The following AR variants were observed in gnomAD, a reference collection of about 807,000 sequenced individuals.
AR encodes androgen receptor, also known as dihydrotestosterone receptor.
In AR, 8 loss-of-function variants were observed where a neutral mutation model predicts 53.9. That is an observed-to-expected ratio of 0.15 (90% CI 0.09 to 0.27). AR has a LOEUF of 0.27. Among genes scored for constraint, AR ranks in the 10% least tolerant of loss-of-function variants. The pLI is 1.00. For synonymous variants in AR, 359 were observed against 316.4 expected (o/e 1.13, Z -1.43); for missense variants, 639 against 742.5 (o/e 0.86, Z 1.62).
intron 1 of AR, among the ~76,000 whole-genome samples, chrX:67,612,304 T>A (rs1279381543): frequency 8.9e-6 from 1 of 111,990 alleles, no homozygotes; most frequent in African/African-American, 3.2e-5. Context: ...TCAGCCAGAG[T>A]GACCTGTCTT....
chrX:67,638,732 C>T (rs1356978514), intron 1 of AR, among the ~76,000 whole-genome samples: 2 of 111,471 alleles, frequency 1.8e-5, no homozygotes, highest in Admixed American at 9.5e-5. Flanking sequence ...ATTAACCTTT[C>T]GTCAGATGGA....
intron 1 of AR, among the ~76,000 whole-genome samples, chrX:67,561,068 G>T (rs1356239220): frequency 8.9e-6 from 1 of 111,887 alleles, no homozygotes; most frequent in East Asian, 2.8e-4. Flanking sequence ...ATGGTACTTA[G>T]TCCCTTAAAT....
At chrX:67,596,497 A>G (rs1287990075) in intron 1 of AR, among the ~76,000 whole-genome samples, 1 of 112,057 alleles carries the variant, frequency 8.9e-6, no homozygotes, top group Non-Finnish European at 1.9e-5. Context: ...GATTTTTAAA[A>G]TGGTTTAAAA....
At chrX:67,645,768 CA>C (rs200889833) in intron 2 of AR, among the ~76,000 whole-genome samples, 4 of 106,105 alleles carry the variant, frequency 3.8e-5, no homozygotes, top group Non-Finnish European at 5.8e-5. Flanking sequence ...CAGAATGAAG[CA>C]AAAAAAAAAT....
In AR at chrX:67,546,434, G is replaced by A. The variant is rs755088348; in HGVS notation, c.1288G>A (p.Ala430Thr). 3.4e-6 allele frequency: 4 copies of A among 1,179,094 alleles called. No homozygotes were observed. The highest frequency in any genetic ancestry group is 1.1e-6 in the Non-Finnish European group (1 of 880,556). The change falls in exon 1 of 8, where the codon GCC becomes ACC. Residue 430 changes from alanine (A) to threonine (T), a missense_variant. This residue lies in a region of AR where 423 missense variants were observed against 377.0 expected (regional missense o/e 1.12). Transcript: ENST00000374690. ...ACCCGGTTCTGGGTCACCCTCAGCCGCCGCTTCCTCATCCTGGCACACTCT... is the reference window on the plus strand; with the variant it reads ...ACCCGGTTCTGGGTCACCCTCAGCCACCGCTTCCTCATCCTGGCACACTCT... ...AGPGSGSPSAAASSSWHTLFT... is the reference protein window; with the variant it reads ...AGPGSGSPSATASSSWHTLFT...
intron 3 of AR, among the ~76,000 whole-genome samples, chrX:67,708,744 G>T (rs144380584): frequency 0.081 from 9,017 of 111,421 alleles, 284 homozygotes; most frequent in African/African-American, 0.11. Context: ...CAGTTTTTCT[G>T]CTCTGTTTTT....
chrX:67,558,549 A>G (rs1263982941), intron 1 of AR, among the ~76,000 whole-genome samples: 5 of 111,679 alleles, frequency 4.5e-5, no homozygotes, highest in African/African-American at 1.6e-4. Context: ...CTCTGCCCCT[A>G]TTATAGTCCA....
chrX:67,545,366 CA>C lies in AR; in HGVS notation c.221del (p.Gln74ArgfsTer101). ...QQQQQQQQQQ[Q>X]QQQQQQETSP... ...GCAGCAGCAGCAGCAGCAGCAGCAG[CA>C]GCAGCAGCAGCAGCAGCAAGAGACT... On this transcript the variant is annotated frameshift_variant, in exon 1 of 8. Coordinates refer to ENST00000374690, the MANE Select transcript of AR (RefSeq NM_000044.6). LOFTEE classifies it high-confidence loss of function. 3.4e-6 allele frequency: 4 copies of C among 1,180,086 alleles called. No individual in the cohort carries two copies. Among genetic ancestry groups the C allele is most frequent in the Admixed American group, 2.3e-5 (1 of 43,529 alleles).
intron 1 of AR, among the ~76,000 whole-genome samples, chrX:67,556,999 G>T (rs985160441): frequency 1.8e-5 from 2 of 111,385 alleles, no homozygotes; most frequent in African/African-American, 6.5e-5. Flanking sequence ...CTCCTAAGCA[G>T]GTTGTATTGG....
At chrX:67,571,680 C>T (rs892008450) in intron 1 of AR, among the ~76,000 whole-genome samples, 5 of 110,488 alleles carry the variant, frequency 4.5e-5, no homozygotes, top group Admixed American at 9.6e-5. Flanking sequence ...GGGATATTTC[C>T]GATATTCAAA....
At chrX:67,628,231 A>G (rs771650874) in intron 1 of AR, among the ~76,000 whole-genome samples, 26 of 108,440 alleles carry the variant, frequency 2.4e-4, no homozygotes, top group Non-Finnish European at 3.8e-4. Context: ...CTTGGGCAGT[A>G]TGGCCATTTT....
Position 67,551,845 on chromosome X carries a change from C to T in AR, c.1616+5083C>T, listed in dbSNP as rs1393260849. ...GATTGTCCGTGAATTATTGCTTGCA[C>T]ACTCATGGGTGATGCTACTCCCTCT... On this transcript the variant is annotated intron_variant, in intron 1 of 7. Coordinates refer to ENST00000374690, the MANE Select transcript of AR (RefSeq NM_000044.6). Among the ~76,000 whole-genome samples the T allele has an allele frequency of 5.4e-5, 6 of 111,592 alleles. No homozygotes were observed. The South Asian group carries it at 2.3e-3, about 42-fold the overall frequency.
rs1200712366 is a variant in AR, at chrX:67,726,479, C to A, written c.*2638C>A. On this transcript the variant is annotated 3_prime_UTR_variant, in exon 8 of 8. Transcript: ENST00000374690. ...GAAGCTCTCCTTTACATTTCTCTAT[C>A]AAATTTTTCATCTTTATGGGTTTCC... The A allele has an allele frequency of 5.7e-6, 1 of 175,378 alleles. No individual in the cohort carries two copies. Among genetic ancestry groups the A allele is most frequent in the Non-Finnish European group, 1.1e-5 (1 of 91,476 alleles). The allele number at this position is 175,378 out of a possible 1,213,427, so 14.5% of individuals were successfully genotyped here.
intron 2 of AR, among the ~76,000 whole-genome samples, chrX:67,682,741 T>C (rs1006252026): frequency 8.9e-6 from 1 of 112,126 alleles, no homozygotes; most frequent in Non-Finnish European, 1.9e-5. Flanking sequence ...ACCTTGGCTC[T>C]ACCATCATTT....
chrX:67,611,609 A>G (rs1184799459), intron 1 of AR, among the ~76,000 whole-genome samples: 3 of 111,786 alleles, frequency 2.7e-5, no homozygotes, highest in Non-Finnish European at 5.7e-5. Flanking sequence ...TTTGGAGATC[A>G]TGCTTCAAAG....
intron 1 of AR, among the ~76,000 whole-genome samples, chrX:67,595,610 G>A (rs2147370115): frequency 9.8e-6 from 1 of 102,154 alleles, no homozygotes; most frequent in South Asian, 4.7e-4. Flanking sequence ...ATTCTGATTT[G>A]TCAATGGATT....
chrX:67,673,383 C>CTT (rs1315030313), intron 2 of AR, among the ~76,000 whole-genome samples: 1 of 107,404 alleles, frequency 9.3e-6, no homozygotes, highest in Non-Finnish European at 1.9e-5. Context: ...CTCTCTCTCT[C>CTT]TCTCTCTCCT....
At chrX:67,567,286 T>A (rs1270927471) in intron 1 of AR, among the ~76,000 whole-genome samples, 2 of 111,613 alleles carry the variant, frequency 1.8e-5, no homozygotes, top group African/African-American at 6.5e-5. Context: ...TCACAGCTAA[T>A]TCAGGAAAAA....
chrX:67,569,733 T>G (rs928383639), intron 1 of AR, among the ~76,000 whole-genome samples: 1 of 111,420 alleles, frequency 9.0e-6, no homozygotes, highest in Non-Finnish European at 1.9e-5. Context: ...TTACAGCTGT[T>G]TATTTCTGTC....
Sources: gnomAD v4.1 joint callset for allele counts (sites outside exome capture counted in the v4.1 genomes callset) on GRCh38, gnomAD v4.1.1 for gene constraint, gnomAD v4.1.1 regional missense constraint, MANE v1.5 for transcripts, NCBI Gene and HGNC (gene_info 2026-07-23, HGNC 2026-07-21) for gene names.